Variants in PCDHA11 observed in about 807,000 individuals in gnomAD.
PCDHA11 encodes the protein protocadherin alpha 11.
In PCDHA11, 61 loss-of-function variants were observed where a neutral mutation model predicts 70.3. That is an observed-to-expected ratio of 0.87 (90% confidence interval 0.71 to 1.07). The LOEUF (loss-of-function observed/expected upper bound fraction) is 1.07. Ranked by LOEUF, PCDHA11 falls within the 50% of genes least tolerant of loss-of-function variation. PCDHA11 has a pLI of 0.00. For missense variants in PCDHA11, 1,324 were observed against 1,237.5 expected (o/e 1.07, Z -1.05); for synonymous variants, 633 against 555.1 (o/e 1.14, Z -1.97).
intron 3 of PCDHA11, among the ~76,000 whole-genome samples, chr5:141,007,768 A>C (rs1457934171): frequency 2.0e-5 from 3 of 152,212 alleles, no homozygotes; most frequent in Non-Finnish European, 2.9e-5. Context: ...ATTGGCCTGG[A>C]AATGGTACTG....
At chr5:140,934,319 A>G (rs1292813425) in intron 1 of PCDHA11, among the ~76,000 whole-genome samples, 1 of 152,146 alleles carries the variant, frequency 6.6e-6, no homozygotes, top group Non-Finnish European at 1.5e-5. Context: ...CAAATGTCCA[A>G]TCATGAATGT....
At chr5:140,892,324 C>T (rs1158961031) in intron 1 of PCDHA11, among the ~76,000 whole-genome samples, 3 of 152,308 alleles carry the variant, frequency 2.0e-5, no homozygotes, top group Non-Finnish European at 4.4e-5. Context: ...CATTTTCTTT[C>T]TCCAGAATGG....
chr5:141,002,399 T>C (rs1352771753), intron 3 of PCDHA11, among the ~76,000 whole-genome samples: 1 of 152,236 alleles, frequency 6.6e-6, no homozygotes, highest in African/African-American at 2.4e-5. Context: ...GGCATCTCTG[T>C]GCCTCCCAAA....
intron 1 of PCDHA11, among the ~76,000 whole-genome samples, chr5:140,955,431 AG>A (rs1273972601): frequency 1.3e-5 from 2 of 152,194 alleles, no homozygotes; most frequent in East Asian, 3.9e-4. Flanking sequence ...AGTTCTCATT[AG>A]GTCTGATGGT....
chr5:140,993,462 TCACA>T (rs3836747), intron 3 of PCDHA11, among the ~76,000 whole-genome samples: 18,508 of 140,892 alleles, frequency 0.13, 1,341 homozygotes, highest in African/African-American at 0.21. Flanking sequence ...TCTTTCTTTC[TCACA>T]CACACACACA....
intron 1 of PCDHA11, among the ~76,000 whole-genome samples, chr5:140,940,510 G>A (rs1477590604): frequency 4.0e-5 from 6 of 151,894 alleles, no homozygotes; most frequent in African/African-American, 9.7e-5. Context: ...TCGCTCAGGC[G>A]TGATCATAGC....
intron 3 of PCDHA11, among the ~76,000 whole-genome samples, chr5:140,985,740 T>C (rs992695405): frequency 1.9e-5 from 1 of 53,688 alleles, no homozygotes; most frequent in Admixed American, 1.9e-4. Context: ...GATGAATTCC[T>C]TTTTTTTTTT....
intron 1 of PCDHA11, among the ~76,000 whole-genome samples, chr5:140,920,775 T>G (rs1007654952): frequency 5.4e-5 from 8 of 147,470 alleles, no homozygotes; most frequent in African/African-American, 1.8e-4. Context: ...ACCTGGGAGG[T>G]GGAGGTTGCA....
chr5:140,941,862 T>G (rs1007783083), intron 1 of PCDHA11, among the ~76,000 whole-genome samples: 33 of 152,238 alleles, frequency 2.2e-4, no homozygotes, highest in African/African-American at 7.7e-4. Context: ...TTCCCTATCA[T>G]AGAGTTCTAT....
intron 1 of PCDHA11, chr5:140,882,266 A>G (rs1471101520): frequency 6.2e-7 from 1 of 1,610,426 alleles, no homozygotes; most frequent in South Asian, 1.1e-5. Flanking sequence ...TTTGGAGTGT[A>G]CCATGCTGTC....
intron 1 of PCDHA11, chr5:140,876,892 A>G (rs782046911): frequency 1.2e-6 from 2 of 1,614,044 alleles, no homozygotes; most frequent in South Asian, 1.1e-5. Context: ...GGGCTGCCAC[A>G]TCTTCACGGT....
intron 1 of PCDHA11, among the ~76,000 whole-genome samples, chr5:140,939,281 G>A (rs1554212652): frequency 6.6e-6 from 1 of 152,014 alleles, no homozygotes; most frequent in African/African-American, 2.4e-5. Context: ...CTGTGCCCTC[G>A]TGATCTAATC....
chr5:140,934,209 C>G (rs1554209791), intron 1 of PCDHA11, among the ~76,000 whole-genome samples: 1 of 152,068 alleles, frequency 6.6e-6, no homozygotes, highest in Non-Finnish European at 1.5e-5. Context: ...TTTCCTCACA[C>G]AAAATGTTTA....
chr5:140,928,716 C>G (rs555492959), intron 1 of PCDHA11: 3 of 1,614,178 alleles, frequency 1.9e-6, no homozygotes, highest in Non-Finnish European at 2.5e-6. Flanking sequence ...ACTCTAGTCT[C>G]TTTAGAATTT....
chr5:140,968,444 A>G (rs781941315), intron 1 of PCDHA11: 1 of 1,614,048 alleles, frequency 6.2e-7, no homozygotes, highest in South Asian at 1.1e-5. Context: ...CCCACCACTG[A>G]GCAGCACTGT....
At chr5:140,978,914 C>A (rs2096828574) in intron 1 of PCDHA11, 35 bp from the exon 2 acceptor site, 10 of 1,613,852 alleles carry the variant, frequency 6.2e-6, no homozygotes, top group Non-Finnish European at 8.5e-6. Context: ...ATTGTCTTGT[C>A]ATTTTAACAG....
At position 140,968,456 on chromosome 5, in the gene PCDHA11, A is replaced by G. The variant is rs782476018; in HGVS notation, c.2392-10493A>G. ...GAGCCCACCACTGAGCAGCACTGTG[A>G]CTGCCAACGTATATGTGGTGGACAT... On this transcript the variant is annotated intron_variant, in intron 1 of 3. Transcript: ENST00000398640. 82 of 1,613,964 alleles carry G rather than the reference A, an allele frequency of 5.1e-5. No individual in the cohort carries two copies. Among genetic ancestry groups the G allele is most frequent in the Non-Finnish European group, 6.2e-5 (73 of 1,180,022 alleles).
intron 1 of PCDHA11, among the ~76,000 whole-genome samples, chr5:140,921,089 T>C (rs2080011859): frequency 6.6e-6 from 1 of 151,966 alleles, no homozygotes; most frequent in African/African-American, 2.4e-5. Context: ...AAGAGAATCC[T>C]CCTGCCTCAG....
At chr5:140,941,255 C>CTTTT (rs782490896) in intron 1 of PCDHA11, among the ~76,000 whole-genome samples, 1 of 44,504 alleles carries the variant, frequency 2.2e-5, no homozygotes, top group Non-Finnish European at 5.1e-5. Flanking sequence ...TTCTTTCTTT[C>CTTTT]TCTTTCTTTC....
Sources: allele counts gnomAD v4.1 joint callset (sites outside exome capture counted in the v4.1 genomes callset), GRCh38; gene constraint gnomAD v4.1.1; transcripts MANE v1.5; gene names NCBI Gene and HGNC (gene_info 2026-07-23, HGNC 2026-07-21).